The following PLA2R1 variants were observed in gnomAD, a reference collection of about 807,000 sequenced individuals.
The protein encoded by PLA2R1 is secretory phospholipase A2 receptor.
PLA2R1 carries 158 observed loss-of-function variants against 195.9 expected under a neutral mutation model. The observed-to-expected ratio is 0.81, with a 90% CI of 0.71 to 0.92. The LOEUF is 0.92. Ranked by LOEUF, PLA2R1 falls within the 40% of genes least tolerant of loss-of-function variation. The pLI, the probability that PLA2R1 is intolerant of heterozygous loss-of-function variation, is 0.00. For missense variants in PLA2R1, 1,626 were observed against 1,764.6 expected, an observed-to-expected ratio of 0.92 and a Z score of 1.41; for synonymous variants, 586 against 598.2, an observed-to-expected ratio of 0.98 and a Z score of 0.30.
At chr2:159,997,961 C>T (rs1397782751) in intron 11 of PLA2R1, among the ~76,000 whole-genome samples, 2 of 152,140 alleles carry the variant, frequency 1.3e-5, no homozygotes, top group African/African-American at 4.8e-5. Context: ...TGTAAACTGA[C>T]TTTCTTTGAT....
intron 6 of PLA2R1, among the ~76,000 whole-genome samples, chr2:160,025,117 A>G (rs1693415864): frequency 6.6e-6 from 1 of 152,176 alleles, no homozygotes; most frequent in Non-Finnish European, 1.5e-5. Flanking sequence ...TTGGAGGTAA[A>G]TATATAGTCA....
chr2:159,997,220 T>C (rs979690918), intron 11 of PLA2R1, among the ~76,000 whole-genome samples: 1 of 152,152 alleles, frequency 6.6e-6, no homozygotes, highest in Non-Finnish European at 1.5e-5. Flanking sequence ...CTCAGCCTTT[T>C]GGTGAGCCTG....
chr2:159,951,542 T>C lies in PLA2R1; in HGVS notation c.3338A>G (p.Tyr1113Cys). Reference sequence around the variant, plus strand: ...ATATTCTAAGGTATTGGGCATTGGATACATATCAGATGTATTTACACCGTG... The same window carrying C: ...ATATTCTAAGGTATTGGGCATTGGACACATATCAGATGTATTTACACCGTG... ...SGHGVNTSDMYPMPNTLEYGN... is the reference protein window; with the variant it reads ...SGHGVNTSDMCPMPNTLEYGN... Residue 1113 changes from tyrosine (Y) to cysteine (C), a missense_variant, in exon 24 of 30, where the codon TAT becomes TGT. Transcript: ENST00000283243. 2 of 1,592,708 alleles carry C rather than the reference T, an allele frequency of 1.3e-6. No homozygotes were observed. The highest frequency in any genetic ancestry group is 1.7e-6 in the Non-Finnish European group (2 of 1,159,914).
intron 1 of PLA2R1, among the ~76,000 whole-genome samples, chr2:160,053,568 T>G (rs899482141): frequency 1.3e-4 from 20 of 151,952 alleles, no homozygotes; most frequent in African/African-American, 4.1e-4. Context: ...ATGTGAGAGG[T>G]TCCCACTCAG....
intron 4 of PLA2R1, 124 bp from the exon 5 acceptor site, chr2:160,029,087 T>A (rs113915807): frequency 1.6e-6 from 1 of 643,948 alleles, no homozygotes; most frequent in African/African-American, 1.8e-5. Flanking sequence ...GTGCACAGAA[T>A]GCACGTGGTG....
At chr2:160,023,011 C>A in intron 6 of PLA2R1, 152 bp from the exon 7 acceptor site, 1 of 601,828 alleles carries the variant, frequency 1.7e-6, no homozygotes, top group South Asian at 2.3e-5. Context: ...TCTAGATCTT[C>A]AGAGTTGAGA....
At chr2:160,035,416 T>C (rs1056223734) in intron 3 of PLA2R1, among the ~76,000 whole-genome samples, 4 of 152,216 alleles carry the variant, frequency 2.6e-5, no homozygotes, top group Non-Finnish European at 5.9e-5. Context: ...TGTAGTGGTA[T>C]ACTTAGCCCC....
chr2:159,988,860 A>C (rs1167595934), intron 11 of PLA2R1, among the ~76,000 whole-genome samples: 1 of 152,206 alleles, frequency 6.6e-6, no homozygotes, highest in African/African-American at 2.4e-5. Context: ...AGAAGAAAGA[A>C]GACAAAGGAA....
rs1687417527 is a variant in PLA2R1 at position 159,946,859 on chromosome 2, C to T, written c.3909G>A (p.Leu1303=). The T allele has an allele frequency of 2.5e-6, 4 of 1,611,448 alleles. No individual in the cohort carries two copies. Among genetic ancestry groups the T allele is most frequent in the South Asian group, 2.2e-5 (2 of 90,624 alleles). Residue 1303 remains leucine (L), a synonymous_variant, in exon 27 of 30, where the codon CTG becomes CTA. Coordinates refer to ENST00000283243, the MANE Select transcript of PLA2R1 (RefSeq NM_007366.5). ...EAENAFLLEE[L]FAFGSSVQMV... is the part of the protein sequence containing the mutation. ...TCTGGACAGAAGAACCAAAAGCAAA[C>T]AGCTCTTCTAGGAGAAATGCATTTT... is the stretch of plus-strand genomic sequence containing the variant.
At chr2:160,002,561 C>T (rs1413030390) in intron 11 of PLA2R1, among the ~76,000 whole-genome samples, 1 of 151,902 alleles carries the variant, frequency 6.6e-6, no homozygotes, top group Non-Finnish European at 1.5e-5. Flanking sequence ...ATAAACCTAC[C>T]ACTCAAAGGT....
rs764935266 is a variant in PLA2R1 at position 159,949,746 on chromosome 2, T to C, written c.3571A>G (p.Thr1191Ala). 1.2e-6 allele frequency: 2 copies of C among 1,613,926 alleles called. No individual in the cohort carries two copies. Among genetic ancestry groups the C allele is most frequent in the Non-Finnish European group, 1.7e-6 (2 of 1,179,858 alleles). Residue 1191 changes from threonine (T) to alanine (A), a missense_variant, in exon 25 of 30, where the codon ACC becomes GCC. Coordinates refer to ENST00000283243, the MANE Select transcript of PLA2R1 (RefSeq NM_007366.5). Reference protein sequence around the residue: ...NGLNFDWSDGTKSSFTFWKDE... With the variant: ...NGLNFDWSDGAKSSFTFWKDE... ...TTCCAAAAAGTGAAAGAAGATTTGG[T>C]GCCATCAGACCAGTCAAAATTAAGA...
In PLA2R1 at chr2:159,943,513, C is replaced by A. The variant is rs563127359; in HGVS notation, c.4145-1354G>T. On this transcript the variant is annotated intron_variant, in intron 28 of 29. Transcript: ENST00000283243. ...AAAGACTGTTAAGAGTGTTTGTTCT[C>A]AGGATAGAAGCAGTGGGCGGCATGG... Among the ~76,000 whole-genome samples, 94 of 152,208 alleles carry A rather than the reference C, an allele frequency of 6.2e-4. 1 individual carries two copies. The highest frequency in any genetic ancestry group is 1.0e-3 in the Admixed American group (16 of 15,288).
Position 160,062,498 on chromosome 2 carries a change from G to C in PLA2R1, c.-95C>G, listed in dbSNP as rs1696038597. On this transcript the variant is annotated 5_prime_UTR_variant, in exon 1 of 30. Transcript: ENST00000283243. Reference sequence around the variant, plus strand: ...TCCCAAGCACCCGGCCCCGCCGCGCGGAAGCGGATCCGTAGCCTCCTCCGC... The same window carrying C: ...TCCCAAGCACCCGGCCCCGCCGCGCCGAAGCGGATCCGTAGCCTCCTCCGC... 7.0e-6 allele frequency: 10 copies of C among 1,425,254 alleles called. No individual in the cohort carries two copies. The highest frequency in any genetic ancestry group is 6.0e-5 in the Admixed American group (2 of 33,182). 88.3% of individuals were successfully genotyped at this position (1,425,254 alleles called of 1,614,324 possible).
chr2:160,060,154 A>G (rs564337443), intron 1 of PLA2R1, among the ~76,000 whole-genome samples: 1 of 152,364 alleles, frequency 6.6e-6, no homozygotes, highest in East Asian at 1.9e-4. Flanking sequence ...GCATTATTAC[A>G]TAGCCATTAT....
intron 8 of PLA2R1, among the ~76,000 whole-genome samples, chr2:160,019,814 T>C (rs1692989258): frequency 6.6e-6 from 1 of 152,228 alleles, no homozygotes; most frequent in African/African-American, 2.4e-5. Flanking sequence ...TCTGAGAGTT[T>C]TTTTTTAAGT....
At chr2:160,015,368 TCAAAAC>T (rs1692662041) in intron 9 of PLA2R1, among the ~76,000 whole-genome samples, 1 of 152,206 alleles carries the variant, frequency 6.6e-6, no homozygotes, top group Admixed American at 6.5e-5. Context: ...GAGAAAACTT[TCAAAAC>T]CATATTCATA....
chr2:160,015,838 C>G (rs944336486), intron 9 of PLA2R1, among the ~76,000 whole-genome samples: 4 of 152,136 alleles, frequency 2.6e-5, no homozygotes, highest in African/African-American at 9.7e-5. Context: ...ATACAAATAA[C>G]TGGATTAGAA....
At chr2:159,957,715 G>C (rs1025391769) in intron 20 of PLA2R1, among the ~76,000 whole-genome samples, 26 of 152,270 alleles carry the variant, frequency 1.7e-4, no homozygotes, top group African/African-American at 5.8e-4. Flanking sequence ...GACAGGCAGG[G>C]TTGAAGATAA....
chr2:160,040,373 T>G (rs1030799027), intron 3 of PLA2R1, among the ~76,000 whole-genome samples: 1 of 151,994 alleles, frequency 6.6e-6, no homozygotes, highest in Non-Finnish European at 1.5e-5. Context: ...CACACTAAGG[T>G]CTCCATTGCG....
Sources: gnomAD v4.1 joint callset for allele counts (sites outside exome capture counted in the v4.1 genomes callset) on GRCh38, gnomAD v4.1.1 for gene constraint, MANE v1.5 for transcripts, NCBI Gene and HGNC (gene_info 2026-07-23, HGNC 2026-07-21) for gene names.